Variants in SKAP1 observed in about 807,000 individuals in gnomAD.
The protein encoded by SKAP1 is src kinase-associated phosphoprotein 1.
SKAP1 carries 44 observed loss-of-function variants against 58.5 expected under a neutral mutation model. The ratio of observed to expected loss-of-function variants is 0.75; its 90% CI spans 0.59 to 0.97. The LOEUF is 0.97. Ranked by LOEUF, SKAP1 falls within the 50% of genes least tolerant of loss-of-function variation. SKAP1 has a pLI of 0.00. For missense variants in SKAP1, 390 were observed against 435.2 expected (o/e 0.90, Z 0.92); for synonymous variants, 127 against 149.7 (o/e 0.85, Z 1.11).
chr17:48,302,506 T>C (rs762810559), intron 4 of SKAP1, among the ~76,000 whole-genome samples: 6 of 152,226 alleles, frequency 3.9e-5, no homozygotes, highest in Non-Finnish European at 8.8e-5. Context: ...TTAAGAGTGG[T>C]GAGGAGCAGC....
At chr17:48,346,379 T>G (rs1447011260) in intron 3 of SKAP1, among the ~76,000 whole-genome samples, 3 of 152,118 alleles carry the variant, frequency 2.0e-5, no homozygotes, top group Non-Finnish European at 4.4e-5. Flanking sequence ...ATCCTAGCAC[T>G]TTGGGAGGCC....
intron 2 of SKAP1, among the ~76,000 whole-genome samples, 195 bp from the exon 3 acceptor site, chr17:48,364,009 A>G (rs2066970492): frequency 6.6e-6 from 1 of 152,198 alleles, no homozygotes; most frequent in African/African-American, 2.4e-5. Context: ...TAAAAGATGC[A>G]TTTAATTCAC....
intron 2 of SKAP1, among the ~76,000 whole-genome samples, chr17:48,394,349 C>CT (rs541710956): frequency 3.8e-4 from 56 of 149,102 alleles, no homozygotes; most frequent in South Asian, 6.4e-4. Context: ...ATTTTTTACT[C>CT]TTTTTTTTTT....
At chr17:48,285,723 C>T (rs1455802564) in intron 4 of SKAP1, among the ~76,000 whole-genome samples, 1 of 151,996 alleles carries the variant, frequency 6.6e-6, no homozygotes, top group African/African-American at 2.4e-5. Flanking sequence ...TTTTCTCCAC[C>T]AGAAATCATA....
chr17:48,385,155 G>A (rs1035454969), intron 2 of SKAP1, among the ~76,000 whole-genome samples: 4 of 152,160 alleles, frequency 2.6e-5, no homozygotes, highest in African/African-American at 9.7e-5. Flanking sequence ...CTTAACAGTA[G>A]CACCTGGCTG....
At chr17:48,189,350 T>C in intron 5 of SKAP1, 73 bp downstream of exon 5, 6 of 1,209,724 alleles carry the variant, frequency 5.0e-6, no homozygotes, top group Non-Finnish European at 7.2e-6. Flanking sequence ...AGGCATCCAA[T>C]GTGTTAGCCT....
chr17:48,197,217 C>A (rs1184250033), intron 4 of SKAP1, among the ~76,000 whole-genome samples: 3 of 140,700 alleles, frequency 2.1e-5, no homozygotes, highest in African/African-American at 7.8e-5. Flanking sequence ...GAGATTGCGC[C>A]ACTGCACTCC....
At chr17:48,373,506 T>C (rs1311529827) in intron 2 of SKAP1, among the ~76,000 whole-genome samples, 1 of 152,136 alleles carries the variant, frequency 6.6e-6, no homozygotes, top group Admixed American at 6.6e-5. Flanking sequence ...CTATTGGCTG[T>C]AATATATAAA....
At chr17:48,169,997 G>A (rs2064187640) in intron 10 of SKAP1, among the ~76,000 whole-genome samples, 1 of 152,172 alleles carries the variant, frequency 6.6e-6, no homozygotes, top group Admixed American at 6.5e-5. Flanking sequence ...GGCTTCAGAG[G>A]GGCATCTGAC....
intron 4 of SKAP1, among the ~76,000 whole-genome samples, chr17:48,325,620 C>T (rs1201835886): frequency 6.6e-6 from 1 of 152,136 alleles, no homozygotes; most frequent in Non-Finnish European, 1.5e-5. Flanking sequence ...TTATGGATTT[C>T]AATTTCTTTT....
At chr17:48,196,523 C>G (rs1303160065) in intron 4 of SKAP1, among the ~76,000 whole-genome samples, 1 of 152,076 alleles carries the variant, frequency 6.6e-6, no homozygotes, top group Non-Finnish European at 1.5e-5. Context: ...GCACAGTACC[C>G]AATAATAGTT....
chr17:48,375,318 C>CGA (rs2067138278), intron 2 of SKAP1, among the ~76,000 whole-genome samples: 1 of 144,292 alleles, frequency 6.9e-6, no homozygotes, highest in Non-Finnish European at 1.6e-5. Context: ...AACTCATCAC[C>CGA]TGCTCCCCCA....
At chr17:48,156,265 G>T (rs2063975627) in intron 11 of SKAP1, among the ~76,000 whole-genome samples, 1 of 152,214 alleles carries the variant, frequency 6.6e-6, no homozygotes, top group African/African-American at 2.4e-5. Context: ...AATTAATTGG[G>T]ACAAGATTGA....
intron 4 of SKAP1, among the ~76,000 whole-genome samples, chr17:48,282,244 G>C (rs8068397): frequency 0.33 from 50,698 of 151,972 alleles, 9,252 homozygotes; most frequent in African/African-American, 0.48. Flanking sequence ...ACCTCCTGTA[G>C]CTATCATCCA....
chr17:48,401,650 A>T (rs1227601631), intron 1 of SKAP1, among the ~76,000 whole-genome samples: 1 of 152,168 alleles, frequency 6.6e-6, no homozygotes, highest in Non-Finnish European at 1.5e-5. Flanking sequence ...TAAATATAAG[A>T]GCTAAAACTA....
At chr17:48,371,155 G>C (rs1417402051) in intron 2 of SKAP1, among the ~76,000 whole-genome samples, 1 of 152,098 alleles carries the variant, frequency 6.6e-6, no homozygotes, top group Non-Finnish European at 1.5e-5. Context: ...AGAGGGGTAG[G>C]AGTTGAAAAA....
chr17:48,134,944 T>C (rs1361806560), intron 12 of SKAP1, among the ~76,000 whole-genome samples: 1 of 152,152 alleles, frequency 6.6e-6, no homozygotes, highest in African/African-American at 2.4e-5. Flanking sequence ...CCTCAAGTGA[T>C]CCACCTGCCT....
chr17:48,368,374 TTC>T (rs1405771027), intron 2 of SKAP1, among the ~76,000 whole-genome samples: 1 of 152,206 alleles, frequency 6.6e-6, no homozygotes, highest in Non-Finnish European at 1.5e-5. Flanking sequence ...CTGAAAACAA[TTC>T]TCTGTTAGCC....
chr17:48,324,500 A>G, intron 4 of SKAP1, among the ~76,000 whole-genome samples: 1 of 152,080 alleles, frequency 6.6e-6, no homozygotes, highest in East Asian at 1.9e-4. Context: ...TTCTTTGCAC[A>G]CATATACATA....
Sources: allele counts gnomAD v4.1 joint callset (sites outside exome capture counted in the v4.1 genomes callset), GRCh38; gene constraint gnomAD v4.1.1; transcripts MANE v1.5; gene names NCBI Gene and HGNC (gene_info 2026-07-23, HGNC 2026-07-21).